The following CSMD1 variants were observed in gnomAD, a reference collection of about 807,000 sequenced individuals.
The protein encoded by CSMD1 is CUB and sushi domain-containing protein 1.
Under a neutral mutation model 417.5 loss-of-function variants are expected in CSMD1, and 213 were observed. That is an observed-to-expected ratio of 0.51 (90% CI 0.46 to 0.57). The LOEUF is 0.57. Ranked by LOEUF, CSMD1 falls within the 20% of genes least tolerant of loss-of-function variation. The pLI is 0.00. For synonymous variants in CSMD1, 2,862 were observed against 1,736.8 expected (o/e 1.65, Z -16.11); for missense variants, 6,923 against 4,529.7 (o/e 1.53, Z -15.17).
Position 4,787,304 on chromosome 8 carries a change from G to T in CSMD1, c.86-149746C>A, listed in dbSNP as rs73661130. On this transcript the variant is annotated intron_variant, in intron 1 of 69. Transcript: ENST00000635120. ...AGAGCTCTGCCTCACTTACCGGCGCGGTCGCAGCCCTCAGCCCACTCAGGA... is the reference window on the plus strand; with the variant it reads ...AGAGCTCTGCCTCACTTACCGGCGCTGTCGCAGCCCTCAGCCCACTCAGGA... The T allele has an allele frequency of 6.5e-4, 458 of 699,748 alleles. 2 individuals carry two copies. The African/African-American group carries it at 7.5e-3, about 11-fold the overall frequency. The allele number at this position is 699,748 out of a possible 1,614,324, so 43.3% of individuals were successfully genotyped here. A position where few individuals can be genotyped will look rare whatever the true frequency, so the allele number is the denominator to read the frequency against.
At chr8:4,644,778 G>A (rs1723458364) in intron 1 of CSMD1, among the ~76,000 whole-genome samples, 1 of 152,186 alleles carries the variant, frequency 6.6e-6, no homozygotes, top group Non-Finnish European at 1.5e-5. Context: ...CTTACGCATT[G>A]ATGATCTCTT....
At chr8:3,490,526 T>C (rs1306894180) in intron 11 of CSMD1, among the ~76,000 whole-genome samples, 1 of 152,212 alleles carries the variant, frequency 6.6e-6, no homozygotes, top group African/African-American at 2.4e-5. Context: ...GTAATAATAA[T>C]ACGTGTGGGT....
intron 23 of CSMD1, among the ~76,000 whole-genome samples, chr8:3,340,860 G>C (rs1333004554): frequency 6.6e-6 from 1 of 152,130 alleles, no homozygotes. Context: ...TCCGGGTTTT[G>C]CAGGTGGAAC....
intron 1 of CSMD1, among the ~76,000 whole-genome samples, chr8:4,984,174 G>T (rs775293191): frequency 1.3e-5 from 2 of 152,162 alleles, no homozygotes; most frequent in African/African-American, 2.4e-5. Flanking sequence ...ACATCCTGGA[G>T]GTCATTAGAA....
chr8:3,401,509 G>C (rs1161543), intron 15 of CSMD1, among the ~76,000 whole-genome samples: 1 of 152,004 alleles, frequency 6.6e-6, no homozygotes, highest in Non-Finnish European at 1.5e-5. Context: ...AAATAATAAT[G>C]ATCTCAGTAA....
At chr8:4,956,950 C>A (rs1396202257) in intron 1 of CSMD1, among the ~76,000 whole-genome samples, 2 of 152,180 alleles carry the variant, frequency 1.3e-5, no homozygotes, top group Non-Finnish European at 2.9e-5. Context: ...GGGAGGAAAG[C>A]AGCTATTTGG....
chr8:4,025,324 G>A (rs769354603), intron 4 of CSMD1, among the ~76,000 whole-genome samples: 1 of 152,172 alleles, frequency 6.6e-6, no homozygotes, highest in Admixed American at 6.5e-5. Context: ...ATGTTTTCCA[G>A]TCAGGAAGAA....
intron 1 of CSMD1, chr8:4,787,702 A>T: frequency 6.3e-7 from 1 of 1,592,862 alleles, no homozygotes; most frequent in East Asian, 2.2e-5. Context: ...GTTGTTTTTC[A>T]AGGATGCTGC....
intron 26 of CSMD1, among the ~76,000 whole-genome samples, chr8:3,251,169 T>C (rs1255963357): frequency 1.3e-5 from 2 of 152,152 alleles, no homozygotes; most frequent in Admixed American, 1.3e-4. Context: ...ATTGCCTAGG[T>C]TTTCTTCTAG....
At chr8:4,088,454 C>G (rs1335311529) in intron 3 of CSMD1, among the ~76,000 whole-genome samples, 1 of 152,212 alleles carries the variant, frequency 6.6e-6, no homozygotes, top group Non-Finnish European at 1.5e-5. Context: ...CTGTCTCTCT[C>G]TATCCATTCC....
At chr8:4,348,571 C>G (rs1260219750) in intron 3 of CSMD1, among the ~76,000 whole-genome samples, 3 of 130,646 alleles carry the variant, frequency 2.3e-5, no homozygotes, top group Non-Finnish European at 4.7e-5. Flanking sequence ...ATGTGTGCAT[C>G]TGTGTGTGTG....
In CSMD1 at chr8:4,186,558, C is replaced by T. The variant is rs114452282; in HGVS notation, c.416-154459G>A. Among the ~76,000 whole-genome samples, 1,212 of 152,196 alleles carry T rather than the reference C, an allele frequency of 8.0e-3. 14 individuals carry two copies. The highest frequency in any genetic ancestry group is 0.028 in the African/African-American group (1,144 of 41,524). ...CACAGCATTATACGAATATAAAAGA[C>T]GAAATAATAGGAAGGGTCTCAGCAT... On this transcript the variant is annotated intron_variant, in intron 3 of 69. Coordinates refer to ENST00000635120, the MANE Select transcript of CSMD1 (RefSeq NM_033225.6).
chr8:3,312,235 T>A (rs1375108987), intron 23 of CSMD1, among the ~76,000 whole-genome samples: 6 of 152,210 alleles, frequency 3.9e-5, no homozygotes, highest in Non-Finnish European at 7.4e-5. Context: ...TCTTTCTGCT[T>A]AAACTACACC....
chr8:4,230,693 G>T (rs747966205), intron 3 of CSMD1, among the ~76,000 whole-genome samples: 2 of 152,028 alleles, frequency 1.3e-5, no homozygotes, highest in Non-Finnish European at 2.9e-5. Flanking sequence ...CTGCCTAATA[G>T]TAATTTTCCT....
intron 3 of CSMD1, among the ~76,000 whole-genome samples, chr8:4,155,361 G>T (rs77690287): frequency 2.0e-5 from 3 of 152,132 alleles, no homozygotes; most frequent in Admixed American, 2.0e-4. Flanking sequence ...AAACAGCCAC[G>T]CTGCTTCTAA....
chr8:3,353,531 C>G (rs547157857), intron 21 of CSMD1, among the ~76,000 whole-genome samples: 75 of 152,208 alleles, frequency 4.9e-4, no homozygotes, highest in African/African-American at 1.8e-3. Flanking sequence ...AAAGAAACTG[C>G]GAGAGCGCTC....
rs199928261 is a variant in CSMD1 at position 3,107,700 on chromosome 8, T to C, written c.6835+18A>G. On this transcript the variant is annotated intron_variant, in intron 45 of 69. Transcript: ENST00000635120. The stretch of plus-strand genomic sequence containing the variant: ...ATGTCGTGCTGAATTCATGGTATTG[T>C]AATGAAGAAAGTATTACCTATTTCG... The C allele has an allele frequency of 2.7e-4, 392 of 1,431,100 alleles. 2 individuals carry two copies. The highest frequency in any genetic ancestry group is 8.1e-5 in the Non-Finnish European group (83 of 1,023,580). 88.7% of individuals were successfully genotyped at this position (1,431,100 alleles called of 1,614,324 possible). A position where few individuals can be genotyped will look rare whatever the true frequency, so the allele number is the denominator to read the frequency against.
chr8:4,696,306 T>C (rs1006986818), intron 1 of CSMD1, among the ~76,000 whole-genome samples: 16 of 152,226 alleles, frequency 1.1e-4, no homozygotes, highest in Non-Finnish European at 1.8e-4. Context: ...TTGGGATATT[T>C]GGTAGCAATA....
At chr8:3,760,186 C>A (rs1171808457) in intron 5 of CSMD1, among the ~76,000 whole-genome samples, 3 of 152,114 alleles carry the variant, frequency 2.0e-5, no homozygotes, top group African/African-American at 7.2e-5. Flanking sequence ...GCATCTCAAT[C>A]TAGGTCAGGA....
Sources: gnomAD v4.1 joint callset for allele counts (sites outside exome capture counted in the v4.1 genomes callset) on GRCh38, gnomAD v4.1.1 for gene constraint, MANE v1.5 for transcripts, NCBI Gene and HGNC (gene_info 2026-07-23, HGNC 2026-07-21) for gene names.